CNTNAP5: variants seen among roughly 807,000 people sequenced by gnomAD.
The protein encoded by CNTNAP5 is contactin-associated protein-like 5.
Under a neutral mutation model 150.2 loss-of-function variants are expected in CNTNAP5, and 72 were observed. That is an observed-to-expected ratio of 0.48 (90% confidence interval 0.40 to 0.58). CNTNAP5 has a LOEUF of 0.58. CNTNAP5 is among the 20% of genes least tolerant of loss of function. The pLI, the probability that CNTNAP5 is intolerant of heterozygous loss-of-function variation, is 0.00. For synonymous variants in CNTNAP5, 672 were observed against 619.8 expected, an observed-to-expected ratio of 1.08 and a Z score of -1.25; for missense variants, 1,636 against 1,626.2, an observed-to-expected ratio of 1.01 and a Z score of -0.10.
intron 1 of CNTNAP5, among the ~76,000 whole-genome samples, chr2:124,148,954 A>T (rs2104630154): frequency 6.6e-6 from 1 of 152,234 alleles, no homozygotes; most frequent in East Asian, 1.9e-4. Context: ...ATATAGGCAC[A>T]CACACTCAAA....
At chr2:124,714,832 T>A (rs1679911541) in intron 13 of CNTNAP5, among the ~76,000 whole-genome samples, 1 of 152,092 alleles carries the variant, frequency 6.6e-6, no homozygotes, top group Non-Finnish European at 1.5e-5. Flanking sequence ...CAACTAGGAA[T>A]CCAGAGTCCA....
chr2:124,429,083 A>G (rs1185554855), intron 4 of CNTNAP5, among the ~76,000 whole-genome samples: 1 of 152,214 alleles, frequency 6.6e-6, no homozygotes, highest in African/African-American at 2.4e-5. Context: ...GATATCCAGA[A>G]AAAGTCGTTA....
intron 13 of CNTNAP5, among the ~76,000 whole-genome samples, chr2:124,656,999 T>C (rs982322908): frequency 6.6e-6 from 1 of 152,242 alleles, no homozygotes; most frequent in Non-Finnish European, 1.5e-5. Context: ...ATGAGACAGA[T>C]GCCATGTCTG....
At chr2:124,799,696 C>T (rs996226737) in intron 19 of CNTNAP5, among the ~76,000 whole-genome samples, 2 of 152,186 alleles carry the variant, frequency 1.3e-5, no homozygotes, top group African/African-American at 4.8e-5. Context: ...ATTCATCTTG[C>T]TTTCCAGCTA....
intron 1 of CNTNAP5, among the ~76,000 whole-genome samples, chr2:124,206,417 C>A (rs973263306): frequency 2.6e-5 from 4 of 152,186 alleles, no homozygotes; most frequent in Non-Finnish European, 1.5e-5. Context: ...AAGGGAAACC[C>A]TTGTCAACAT....
chr2:124,804,039 C>A lies in CNTNAP5; in HGVS notation c.3217+5719C>A, dbSNP rs148233557. On this transcript the variant is annotated intron_variant, in intron 19 of 23. Coordinates refer to ENST00000682447, the MANE Select transcript of CNTNAP5 (RefSeq NM_001367498.1). ...ACCACTTCAGTCTCTGGGCTTGTGT[C>A]AAGTAACACTTTGCTGATTTTGAAT... 7.7e-4 allele frequency among the ~76,000 whole-genome samples: 117 copies of A among 152,354 alleles called. No homozygotes were observed. The East Asian group carries it at 0.018, about 23-fold the overall frequency.
chr2:124,256,121 T>C (rs1687307943), intron 3 of CNTNAP5, among the ~76,000 whole-genome samples: 1 of 152,158 alleles, frequency 6.6e-6, no homozygotes, highest in South Asian at 2.1e-4. Flanking sequence ...CAGGAAAATA[T>C]GGTACATTGC....
intron 19 of CNTNAP5, among the ~76,000 whole-genome samples, chr2:124,821,521 A>G (rs1682491912): frequency 1.3e-5 from 2 of 152,166 alleles, no homozygotes. Context: ...GAGGATGTTG[A>G]TCCTGGGACC....
rs531998364 is a variant in CNTNAP5 at position 124,715,284 on chromosome 2, T to C, written c.2078-31945T>C. On this transcript the variant is annotated intron_variant, in intron 13 of 23. Coordinates refer to ENST00000682447, the MANE Select transcript of CNTNAP5 (RefSeq NM_001367498.1). ...TATTAGACATGGCTTTCCTGACATTTAGATCTTGTTACTTAGAAAACCCAT... is the reference window on the plus strand; with the variant it reads ...TATTAGACATGGCTTTCCTGACATTCAGATCTTGTTACTTAGAAAACCCAT... Among the ~76,000 whole-genome samples the C allele has an allele frequency of 2.6e-5, 4 of 152,300 alleles. No individual in the cohort carries two copies. In the East Asian group the frequency reaches 7.7e-4, roughly 29 times the overall value.
intron 19 of CNTNAP5, among the ~76,000 whole-genome samples, chr2:124,813,468 G>A (rs953754480): frequency 6.6e-6 from 1 of 151,524 alleles, no homozygotes; most frequent in Non-Finnish European, 1.5e-5. Context: ...ACTTCAGCTG[G>A]TTACTGTATC....
At chr2:124,196,497 T>A (rs1685590883) in intron 1 of CNTNAP5, among the ~76,000 whole-genome samples, 1 of 152,184 alleles carries the variant, frequency 6.6e-6, no homozygotes, top group Non-Finnish European at 1.5e-5. Context: ...TCCTAATTAT[T>A]GTTGCTTTCC....
intron 1 of CNTNAP5, among the ~76,000 whole-genome samples, chr2:124,134,741 C>T (rs1330853633): frequency 6.6e-6 from 1 of 152,136 alleles, no homozygotes; most frequent in African/African-American, 2.4e-5. Context: ...TACTTGGATT[C>T]CCCATCTTCG....
At chr2:124,753,801 A>C (rs1680780272) in intron 14 of CNTNAP5, among the ~76,000 whole-genome samples, 1 of 152,242 alleles carries the variant, frequency 6.6e-6, no homozygotes. Flanking sequence ...TACATATGTC[A>C]ACACATCACG....
At position 124,516,106 on chromosome 2, in the gene CNTNAP5, A is replaced by G. The variant is rs571052904; in HGVS notation, c.1328-8197A>G. On this transcript the variant is annotated intron_variant, in intron 8 of 23. Transcript: ENST00000682447. ...GGAATTTGAAGGCATATGTGAACTC[A>G]ATCTACCATAAGTAGGGAAAAGTTA... Among the ~76,000 whole-genome samples, 324 of 152,324 alleles carry G rather than the reference A, an allele frequency of 2.1e-3. 5 individuals are homozygous for G. The highest frequency in any genetic ancestry group is 7.0e-3 in the African/African-American group (291 of 41,574).
intron 11 of CNTNAP5, among the ~76,000 whole-genome samples, chr2:124,602,350 A>C: frequency 6.6e-6 from 1 of 151,598 alleles, no homozygotes; most frequent in African/African-American, 2.4e-5. Context: ...AAAAAAAAAA[A>C]AAAAAAAAAA....
intron 10 of CNTNAP5, among the ~76,000 whole-genome samples, chr2:124,547,399 A>T (rs941182690): frequency 6.6e-6 from 1 of 152,210 alleles, no homozygotes; most frequent in African/African-American, 2.4e-5. Context: ...TGTGGTGTGG[A>T]TTGTTCATTT....
intron 12 of CNTNAP5, among the ~76,000 whole-genome samples, chr2:124,616,028 C>A (rs1162233680): frequency 6.6e-6 from 1 of 152,024 alleles, no homozygotes; most frequent in African/African-American, 2.4e-5. Context: ...AAATGTGGTC[C>A]CATCCAGGCT....
rs1011294077 is a variant in CNTNAP5, at chr2:124,624,022, G to A, written c.1876+14102G>A. 5.3e-5 allele frequency among the ~76,000 whole-genome samples: 8 copies of A among 152,260 alleles called. 1 individual carries two copies. The highest frequency in any genetic ancestry group is 3.3e-4 in the Admixed American group (5 of 15,292). ...TTCTCTCTAATGGGTTTATGATGTT[G>A]ACCAAAGTGTGGTGACCACATAGGG... On this transcript the variant is annotated intron_variant, in intron 12 of 23. Transcript: ENST00000682447.
At chr2:124,745,195 A>ACTGGCTGTTCAGAGCTTATAC (rs1161253874) in intron 13 of CNTNAP5, among the ~76,000 whole-genome samples, 1 of 152,188 alleles carries the variant, frequency 6.6e-6, no homozygotes, top group Non-Finnish European at 1.5e-5. Flanking sequence ...TTGCACACAA[A>ACTGGCTGTTCAGAGCTTATAC]CTGGCTGTTC....
Sources: allele counts gnomAD v4.1 joint callset (sites outside exome capture counted in the v4.1 genomes callset), GRCh38; gene constraint gnomAD v4.1.1; transcripts MANE v1.5; gene names NCBI Gene and HGNC (gene_info 2026-07-23, HGNC 2026-07-21).